The following GRM7 variants were observed in gnomAD, a reference collection of about 807,000 sequenced individuals.
GRM7 encodes metabotropic glutamate receptor 7.
Under a neutral mutation model 84.5 loss-of-function variants are expected in GRM7, and 35 were observed. The observed-to-expected ratio is 0.41, with a 90% confidence interval of 0.32 to 0.55. The LOEUF is 0.55. GRM7 is among the 20% of genes least tolerant of loss of function. GRM7 has a pLI of 0.19. For synonymous variants in GRM7, 487 were observed against 455.1 expected (o/e 1.07, Z -0.89); for missense variants, 1,003 against 1,194.6 (o/e 0.84, Z 2.36).
chr3:7,193,107 A>G (rs148526819), intron 2 of GRM7, among the ~76,000 whole-genome samples: 348 of 152,204 alleles, frequency 2.3e-3, no homozygotes, highest in Middle Eastern at 0.014. Context: ...TTAGACTCAT[A>G]ATTCCTATAC....
intron 2 of GRM7, among the ~76,000 whole-genome samples, chr3:7,238,516 C>T (rs1697426693): frequency 6.6e-6 from 1 of 151,878 alleles, no homozygotes; most frequent in Admixed American, 6.6e-5. Flanking sequence ...TTGTCTTCTG[C>T]CACTAACATG....
chr3:7,377,078 A>T (rs779996692), intron 4 of GRM7, among the ~76,000 whole-genome samples: 1 of 152,270 alleles, frequency 6.6e-6, no homozygotes, highest in Non-Finnish European at 1.5e-5. Flanking sequence ...ATTGAAAAAC[A>T]TGAAGATGTC....
At chr3:7,205,835 G>A (rs1353468509) in intron 2 of GRM7, among the ~76,000 whole-genome samples, 2 of 152,166 alleles carry the variant, frequency 1.3e-5, no homozygotes, top group African/African-American at 2.4e-5. Context: ...GTAACCACAT[G>A]GAGGGAAGAC....
chr3:7,339,611 G>T (rs1293913585), intron 4 of GRM7, among the ~76,000 whole-genome samples: 1 of 152,120 alleles, frequency 6.6e-6, no homozygotes, highest in African/African-American at 2.4e-5. Flanking sequence ...AGCAGAAGTT[G>T]CTAGGAAGAT....
intron 2 of GRM7, among the ~76,000 whole-genome samples, chr3:7,195,040 G>T (rs990238402): frequency 1.3e-5 from 2 of 152,072 alleles, no homozygotes; most frequent in African/African-American, 2.4e-5. Context: ...TTAAGTTATT[G>T]TTAAATAAGT....
chr3:6,898,084 A>G (rs926172375), intron 1 of GRM7, among the ~76,000 whole-genome samples: 4 of 152,178 alleles, frequency 2.6e-5, no homozygotes, highest in African/African-American at 9.7e-5. Context: ...GAAGGCAAGG[A>G]CATCCATCAA....
rs199707154 is a variant in GRM7, at chr3:7,238,498, GT to G, written c.737-60177del. On this transcript the variant is annotated intron_variant, in intron 2 of 9. Coordinates refer to ENST00000357716, the MANE Select transcript of GRM7 (RefSeq NM_000844.4). ...GTTCTCATGTTGTCTAATAAACTTT[GT>G]TTTTTTTTGTCTTCTGCCACTAACA... Among the ~76,000 whole-genome samples the G allele has an allele frequency of 1.2e-3, 180 of 150,460 alleles. 2 individuals are homozygous for G. The highest frequency in any genetic ancestry group is 3.4e-3 in the Middle Eastern group (1 of 292).
intron 7 of GRM7, among the ~76,000 whole-genome samples, chr3:7,545,202 A>T (rs555114106): frequency 6.6e-6 from 1 of 152,360 alleles, no homozygotes; most frequent in Non-Finnish European, 1.5e-5. Flanking sequence ...TTTCAGTAGC[A>T]TTGATCAAAA....
intron 1 of GRM7, among the ~76,000 whole-genome samples, chr3:6,998,531 C>A (rs1326970531): frequency 6.6e-6 from 1 of 152,230 alleles, no homozygotes; most frequent in Non-Finnish European, 1.5e-5. Flanking sequence ...CCAGTGGGGA[C>A]TGAGTGTGGG....
At chr3:7,505,764 G>A (rs558331006) in intron 7 of GRM7, among the ~76,000 whole-genome samples, 1 of 152,316 alleles carries the variant, frequency 6.6e-6, no homozygotes, top group Admixed American at 6.5e-5. Flanking sequence ...GGTGGCCCTT[G>A]CCAGCTGCCC....
At chr3:6,910,308 T>C (rs1696725019) in intron 1 of GRM7, among the ~76,000 whole-genome samples, 1 of 152,124 alleles carries the variant, frequency 6.6e-6, no homozygotes, top group African/African-American at 2.4e-5. Flanking sequence ...CCAGGTGGTA[T>C]GACTTAATAA....
chr3:7,292,716 C>CTT (rs369266184), intron 2 of GRM7, among the ~76,000 whole-genome samples: 2 of 146,474 alleles, frequency 1.4e-5, no homozygotes, highest in African/African-American at 5.1e-5. Context: ...TATATTATTT[C>CTT]TTTTTTTTTT....
At chr3:6,957,598 G>C (rs1693112755) in intron 1 of GRM7, among the ~76,000 whole-genome samples, 1 of 152,122 alleles carries the variant, frequency 6.6e-6, no homozygotes, top group Admixed American at 6.5e-5. Context: ...AAGCATTGCT[G>C]CAGACCAATT....
At chr3:7,107,203 G>T (rs1692687678) in intron 1 of GRM7, among the ~76,000 whole-genome samples, 1 of 151,982 alleles carries the variant, frequency 6.6e-6, no homozygotes, top group African/African-American at 2.4e-5. Context: ...GGAAAACAGT[G>T]GAGAGCAAAA....
At chr3:7,626,597 G>A (rs1697625033) in intron 8 of GRM7, among the ~76,000 whole-genome samples, 2 of 152,150 alleles carry the variant, frequency 1.3e-5, no homozygotes, top group Non-Finnish European at 2.9e-5. Context: ...GCAATGCTTG[G>A]TGTTTCTTAT....
intron 9 of GRM7, among the ~76,000 whole-genome samples, chr3:7,695,538 T>C (rs1700985939): frequency 6.6e-6 from 1 of 152,172 alleles, no homozygotes; most frequent in Non-Finnish European, 1.5e-5. Flanking sequence ...AGGATAGTCT[T>C]CCATAACTGT....
At chr3:7,643,977 C>T (rs1253916515) in intron 8 of GRM7, among the ~76,000 whole-genome samples, 1 of 150,696 alleles carries the variant, frequency 6.6e-6, no homozygotes, top group Non-Finnish European at 1.5e-5. Flanking sequence ...AGAAGATCAT[C>T]AGATTGTGTA....
chr3:6,861,401 A>G lies in GRM7; in HGVS notation c.13A>G (p.Arg5Gly). ...CAGCCGGAGCAGCATGGTCCAGCTG[A>G]GGAAGCTGCTCCGCGTCCTGACTTT... MVQLRKLLRVLTLMK... is the reference protein window; with the variant it reads MVQLGKLLRVLTLMK... Residue 5 changes from arginine to glycine, a missense_variant, in exon 1 of 10, where the codon AGG becomes GGG. By Grantham distance (125) the Arg-to-Gly change is moderately radical (BLOSUM62 -2). Coordinates refer to ENST00000357716, the MANE Select transcript of GRM7 (RefSeq NM_000844.4). The surrounding 1 kb of genome is among the most constrained non-coding windows in gnomAD (Gnocchi z 6.4). The G allele has an allele frequency of 6.3e-7, 1 of 1,575,318 alleles. No homozygotes were observed. Among genetic ancestry groups the G allele is most frequent in the Non-Finnish European group, 8.6e-7 (1 of 1,163,744 alleles).
intron 9 of GRM7, among the ~76,000 whole-genome samples, chr3:7,737,465 T>C (rs566964775): frequency 6.6e-6 from 1 of 152,240 alleles, no homozygotes; most frequent in South Asian, 2.1e-4. Flanking sequence ...AAGTGCTTCA[T>C]TGCGCAACTA....
Sources: gnomAD v4.1 joint callset for allele counts (sites outside exome capture counted in the v4.1 genomes callset) on GRCh38, gnomAD v4.1.1 for gene constraint, Gnocchi (gnomAD v3.1) non-coding constraint, MANE v1.5 for transcripts, NCBI Gene and HGNC (gene_info 2026-07-23, HGNC 2026-07-21) for gene names.